CHST8: variants seen among roughly 807,000 people sequenced by gnomAD.
CHST8 encodes the protein GALNAC-4-ST1.
Under a neutral mutation model 15.0 loss-of-function variants are expected in CHST8, and 10 were observed. That is an observed-to-expected ratio of 0.67 (90% CI 0.41 to 1.13). The LOEUF is 1.13. CHST8 is among the 50% of genes most tolerant of loss of function. The pLI is 0.00. For missense variants in CHST8, 634 were observed against 608.2 expected, an observed-to-expected ratio of 1.04 and a Z score of -0.45; for synonymous variants, 259 against 256.6, an observed-to-expected ratio of 1.01 and a Z score of -0.09.
At chr19:33,763,652 G>A (rs981378119) in intron 3 of CHST8, among the ~76,000 whole-genome samples, 1 of 152,262 alleles carries the variant, frequency 6.6e-6, no homozygotes, top group Non-Finnish European at 1.5e-5. Context: ...TGAAGCCCTT[G>A]GGTGAGGCTT....
At chr19:33,660,136 C>A (rs998062007) in intron 1 of CHST8, among the ~76,000 whole-genome samples, 4 of 152,176 alleles carry the variant, frequency 2.6e-5, no homozygotes, top group Non-Finnish European at 4.4e-5. Context: ...CCCCACCCCT[C>A]ACCCCATTTT....
chr19:33,699,096 C>A (rs1973279817), intron 3 of CHST8, among the ~76,000 whole-genome samples: 1 of 152,208 alleles, frequency 6.6e-6, no homozygotes, highest in African/African-American at 2.4e-5. Context: ...TCAGCCCAAA[C>A]CTCACATTGT....
chr19:33,708,336 T>A (rs1381374755), intron 3 of CHST8, among the ~76,000 whole-genome samples: 2 of 152,230 alleles, frequency 1.3e-5, no homozygotes, highest in African/African-American at 4.8e-5. Context: ...TTTTCTCTTA[T>A]GTTTTCTTCT....
chr19:33,771,344 C>T, intron 3 of CHST8, 69 bp from the exon 4 acceptor site: 1 of 1,487,288 alleles, frequency 6.7e-7, no homozygotes, highest in Admixed American at 1.7e-5. Context: ...GCCAGCAGCC[C>T]ATAAGCAGTT....
At chr19:33,741,669 C>T (rs1269658583) in intron 3 of CHST8, among the ~76,000 whole-genome samples, 2 of 151,378 alleles carry the variant, frequency 1.3e-5, no homozygotes, top group Non-Finnish European at 2.9e-5. Context: ...GATGACTACT[C>T]CTGCATCCTT....
chr19:33,682,150 C>CTGGT (rs1289173857), intron 2 of CHST8, among the ~76,000 whole-genome samples: 2 of 145,568 alleles, frequency 1.4e-5, no homozygotes, highest in Non-Finnish European at 3.0e-5. Flanking sequence ...GCCACCGTGC[C>CTGGT]TGGTGTGTGT....
chr19:33,712,342 A>C (rs1973569825), intron 3 of CHST8, among the ~76,000 whole-genome samples: 1 of 152,090 alleles, frequency 6.6e-6, no homozygotes, highest in Non-Finnish European at 1.5e-5. Flanking sequence ...CTGGGGGAGG[A>C]GGATTGCAGG....
intron 1 of CHST8, among the ~76,000 whole-genome samples, chr19:33,639,109 AG>A (rs1568310911): frequency 2.0e-3 from 292 of 142,948 alleles, no homozygotes; most frequent in East Asian, 5.3e-3. Context: ...AAAAAAAAAA[AG>A]AGGAGGTACA....
At chr19:33,742,738 G>C (rs775879723) in intron 3 of CHST8, among the ~76,000 whole-genome samples, 28 of 152,098 alleles carry the variant, frequency 1.8e-4, no homozygotes, top group Non-Finnish European at 3.7e-4. Context: ...TCGACCACCT[G>C]ACTTTCTTGT....
At chr19:33,650,608 T>C (rs1180378924) in intron 1 of CHST8, among the ~76,000 whole-genome samples, 1 of 140,710 alleles carries the variant, frequency 7.1e-6, no homozygotes, top group African/African-American at 2.6e-5. Context: ...CTTGGCTCAC[T>C]GGTACTTTCT....
intron 1 of CHST8, among the ~76,000 whole-genome samples, chr19:33,636,775 C>T (rs901820198): frequency 6.6e-6 from 1 of 152,116 alleles, no homozygotes; most frequent in African/African-American, 2.4e-5. Flanking sequence ...GGGGCTGGCG[C>T]CTATAATCCC....
intron 1 of CHST8, among the ~76,000 whole-genome samples, chr19:33,639,175 A>C (rs1972245537): frequency 6.6e-6 from 1 of 152,068 alleles, no homozygotes; most frequent in African/African-American, 2.4e-5. Flanking sequence ...AAAATGGCCC[A>C]AACTGCTGCC....
intron 3 of CHST8, among the ~76,000 whole-genome samples, chr19:33,728,048 G>A (rs1362262034): frequency 2.6e-5 from 4 of 152,262 alleles, no homozygotes; most frequent in Non-Finnish European, 4.4e-5. Flanking sequence ...TCGCTCCCAC[G>A]GCAGGTTCAT....
chr19:33,769,975 G>T (rs149128592), intron 3 of CHST8, among the ~76,000 whole-genome samples: 6 of 152,286 alleles, frequency 3.9e-5, no homozygotes, highest in Admixed American at 6.5e-5. Flanking sequence ...CTTGAGGAAG[G>T]TTCGGGCAAG....
chr19:33,720,947 C>T (rs555872208), intron 3 of CHST8, among the ~76,000 whole-genome samples: 7 of 152,260 alleles, frequency 4.6e-5, no homozygotes, highest in Non-Finnish European at 8.8e-5. Context: ...GGTGCCCAGA[C>T]CTGGCCCAAG....
chr19:33,757,394 GAAAGAAA>G (rs1974570922), intron 3 of CHST8, among the ~76,000 whole-genome samples: 4 of 4,938 alleles, frequency 8.1e-4, no homozygotes, highest in African/African-American at 2.0e-3. Context: ...AAAGAAGAAA[GAAAGAAA>G]GAAAGAAAGA....
Position 33,712,409 on chromosome 19 carries a change from T to G in CHST8, c.130+23018T>G, listed in dbSNP as rs183208739. On this transcript the variant is annotated intron_variant, in intron 3 of 4. Transcript: ENST00000650847. ...GGGCTGTGGGAGGCAGGCTTTGTAG[T>G]ATCAAGAAGGTGAGGTGACCCCTGG... Among the ~76,000 whole-genome samples the G allele has an allele frequency of 2.1e-3, 317 of 152,248 alleles. 1 individual carries two copies. The highest frequency in any genetic ancestry group is 6.8e-3 in the Middle Eastern group (2 of 294).
intron 3 of CHST8, among the ~76,000 whole-genome samples, chr19:33,732,820 A>G (rs989983836): frequency 2.0e-5 from 3 of 152,152 alleles, no homozygotes; most frequent in Non-Finnish European, 4.4e-5. Flanking sequence ...GCTTAGCTTG[A>G]TTCCTGTATC....
chr19:33,656,774 A>T (rs1972514375), intron 1 of CHST8, among the ~76,000 whole-genome samples: 1 of 152,160 alleles, frequency 6.6e-6, no homozygotes, highest in African/African-American at 2.4e-5. Context: ...CCTGGGCTCA[A>T]GTGACCCTCC....
Sources: allele counts gnomAD v4.1 joint callset (sites outside exome capture counted in the v4.1 genomes callset), GRCh38; gene constraint gnomAD v4.1.1; transcripts MANE v1.5; gene names NCBI Gene and HGNC (gene_info 2026-07-23, HGNC 2026-07-21).